The following CLEC10A variants were observed in gnomAD, a reference collection of about 807,000 sequenced individuals.
CLEC10A encodes C-type lectin domain family 10 member A.
In CLEC10A, 38 loss-of-function variants were observed where a neutral mutation model predicts 42.0. The ratio of observed to expected loss-of-function variants is 0.90; its 90% CI spans 0.70 to 1.18. The LOEUF (loss-of-function observed/expected upper bound fraction) is 1.18, where lower values mean the gene tolerates loss of function less well. Among genes scored for constraint, CLEC10A ranks in the 50% most tolerant of loss-of-function variants. CLEC10A has a pLI of 0.00. For synonymous variants in CLEC10A, 126 were observed against 139.9 expected, an observed-to-expected ratio of 0.90 and a Z score of 0.70; for missense variants, 298 against 345.9, an observed-to-expected ratio of 0.86 and a Z score of 1.10.
intron 5 of CLEC10A, 91 bp downstream of exon 5, chr17:7,076,642 G>T: frequency 7.2e-7 from 1 of 1,396,926 alleles, no homozygotes. Context: ...GCTGGCTGAA[G>T]GGGAGGGCAG....
chr17:7,075,035 T>C lies in CLEC10A; in HGVS notation c.*19A>G. 1.3e-6 allele frequency: 2 copies of C among 1,527,006 alleles called. No individual in the cohort carries two copies. The highest frequency in any genetic ancestry group is 1.8e-6 in the Non-Finnish European group (2 of 1,141,980). 94.6% of individuals were successfully genotyped at this position (1,527,006 alleles called of 1,614,324 possible). On this transcript the variant is annotated 3_prime_UTR_variant, in exon 9 of 9. Coordinates refer to ENST00000416562, the MANE Select transcript of CLEC10A (RefSeq NM_001330070.2). ...TCCCACCGCCATTTCTGTGGCCGGG[T>C]GGTCCCACCAAAGGCAGCTCAGTGA...
At chr17:7,076,307 CTTTT>C (rs1206807036) in intron 5 of CLEC10A, among the ~76,000 whole-genome samples, 11 of 121,128 alleles carry the variant, frequency 9.1e-5, no homozygotes, top group South Asian at 5.3e-4. Context: ...TTCTTTCTTT[CTTTT>C]TTTTTTTTTT....
chr17:7,076,356 G>A (rs1911747064), intron 5 of CLEC10A, among the ~76,000 whole-genome samples: 1 of 145,738 alleles, frequency 6.9e-6, no homozygotes, highest in East Asian at 2.0e-4. Context: ...TGCTGCCCAG[G>A]CTGGAGTGCA....
Position 7,075,982 on chromosome 17 carries a change from C to A in CLEC10A, c.439+3G>T. 6.2e-7 allele frequency: 1 copy of A among 1,614,206 alleles called. No individual in the cohort carries two copies. Among genetic ancestry groups the A allele is most frequent in the Non-Finnish European group, 8.5e-7 (1 of 1,180,018 alleles). On this transcript the variant is annotated splice_donor_region_variant and intron_variant, in intron 6 of 8. Transcript: ENST00000416562. ...GGCCAGGTACTCCCCATACCTTCCT[C>A]ACCATTGTTGTTGAGAGTAGCCACC...
chr17:7,077,388 CCCCCACTATT>C (rs1911847755), intron 3 of CLEC10A, among the ~76,000 whole-genome samples: 5 of 142,862 alleles, frequency 3.5e-5, no homozygotes, highest in African/African-American at 1.3e-4. Context: ...CCATCAGTGC[CCCCCACTATT>C]CCCATCAGTC....
chr17:7,076,633 C>G (rs1911769686), intron 5 of CLEC10A, 100 bp downstream of exon 5: 1 of 1,348,304 alleles, frequency 7.4e-7, no homozygotes, highest in South Asian at 1.2e-5. Flanking sequence ...TTTCAAGCTG[C>G]TGGCTGAAGG....
chr17:7,080,058 G>A lies in CLEC10A; in HGVS notation c.-80C>T. 6.6e-6 allele frequency: 1 copy of A among 152,282 alleles called. No individual in the cohort carries two copies. The highest frequency in any genetic ancestry group is 1.9e-4 in the East Asian group (1 of 5,196). 9.4% of individuals were successfully genotyped at this position (152,282 alleles called of 1,614,324 possible). A position where few individuals can be genotyped will look rare whatever the true frequency, so the allele number is the denominator to read the frequency against. On this transcript the variant is annotated 5_prime_UTR_variant, in exon 1 of 9. Transcript: ENST00000416562. The stretch of plus-strand genomic sequence containing the variant: ...GCACCGGCAGCACCATTACCTGTGG[G>A]AGGTCTGGAGGGTGTGATTCCCACG...
At chr17:7,078,553 A>T in intron 2 of CLEC10A, 193 bp downstream of exon 2, 1 of 610,324 alleles carries the variant, frequency 1.6e-6, no homozygotes, top group Non-Finnish European at 2.9e-6. Flanking sequence ...AGCTGGGTCC[A>T]CTGTGATCCT....
Position 7,076,948 on chromosome 17 carries a change from T to C in CLEC10A, c.224A>G (p.Asp75Gly). 6.2e-7 allele frequency: 1 copy of C among 1,613,828 alleles called. No individual in the cohort carries two copies. Among genetic ancestry groups the C allele is most frequent in the Non-Finnish European group, 8.5e-7 (1 of 1,179,952 alleles). The stretch of plus-strand genomic sequence containing the variant: ...AGTGTTTGAGGTGAAGTTGCTAAAA[T>C]CTGTTCTCAGGGTCACCAGGTCCCT... ...FQRDLVTLRT[D>G]FSNFTSNTVA... The change falls in exon 4 of 9, where the codon GAT becomes GGT. Residue 75 changes from aspartate to glycine, a missense_variant. Asp to Gly is a moderately conservative substitution (Grantham distance 94). Around this residue, in one of 3 missense-constraint regions of CLEC10A, gnomAD observed 267 missense variants for 289.5 expected, o/e 0.92. Coordinates refer to ENST00000416562, the MANE Select transcript of CLEC10A (RefSeq NM_001330070.2).
At chr17:7,075,698 A>C (rs368232903) in intron 7 of CLEC10A, 33 bp downstream of exon 7, 1 of 1,613,984 alleles carries the variant, frequency 6.2e-7, no homozygotes, top group African/African-American at 1.3e-5. Flanking sequence ...TAAATGGGAC[A>C]TGTCTTAGGA....
At chr17:7,076,192 C>T (rs780063724) in intron 5 of CLEC10A, 121 bp from the exon 6 acceptor site, 2 of 1,586,444 alleles carry the variant, frequency 1.3e-6, no homozygotes, top group South Asian at 2.3e-5. Context: ...TTCCCGCCCC[C>T]ACCCACCCCC....
At position 7,077,276 on chromosome 17, in the gene CLEC10A, A is replaced by C. The variant is rs111537391; in HGVS notation, c.185-289T>G. On this transcript the variant is annotated intron_variant, in intron 3 of 8. Coordinates refer to ENST00000416562, the MANE Select transcript of CLEC10A (RefSeq NM_001330070.2). Reference sequence around the variant, plus strand: ...CACCGTCCCCATCAATCACTCCATCAGTGCCCCCCCACCATTCCCATCAAT... The same window carrying C: ...CACCGTCCCCATCAATCACTCCATCCGTGCCCCCCCACCATTCCCATCAAT... 9.7e-3 allele frequency among the ~76,000 whole-genome samples: 1,298 copies of C among 134,222 alleles called. 29 individuals carry two copies. The highest frequency in any genetic ancestry group is 0.035 in the African/African-American group (1,231 of 34,724). The allele number at this position is 134,222 out of a possible 152,430, so 88.1% of individuals were successfully genotyped here.
chr17:7,078,904 G>A lies in CLEC10A; in HGVS notation c.-73-19C>T. ...GGTGGAGCTGGGGAATAGGAGGTTG[G>A]GACTAAGTTGGAGCCAAGGGCAGGG... On this transcript the variant is annotated intron_variant, in intron 1 of 8. Coordinates refer to ENST00000416562, the MANE Select transcript of CLEC10A (RefSeq NM_001330070.2). The A allele has an allele frequency of 8.4e-7, 1 of 1,186,186 alleles. No individual in the cohort carries two copies. Among genetic ancestry groups the A allele is most frequent in the Non-Finnish European group, 1.3e-6 (1 of 790,962 alleles). The allele number at this position is 1,186,186 out of a possible 1,614,324, so 73.5% of individuals were successfully genotyped here.
intron 5 of CLEC10A, 40 bp from the exon 6 acceptor site, chr17:7,076,111 G>C (rs1567744351): frequency 1.2e-6 from 2 of 1,614,118 alleles, no homozygotes; most frequent in East Asian, 2.2e-5. Context: ...CAGTGGCCTA[G>C]GTGTGCCTTC....
chr17:7,078,464 G>C (rs1379713950), intron 2 of CLEC10A: 1 of 526,278 alleles, frequency 1.9e-6, no homozygotes, highest in African/African-American at 1.9e-5. Context: ...GTTCACAAAT[G>C]AGTTTCCTTC....
intron 2 of CLEC10A, 65 bp downstream of exon 2, chr17:7,078,681 G>T (rs1283985753): frequency 1.3e-6 from 2 of 1,505,956 alleles, no homozygotes; most frequent in Non-Finnish European, 1.8e-6. Context: ...GTACAGAAAT[G>T]ATAGGAGAAA....
chr17:7,078,208 G>T, intron 2 of CLEC10A, 95 bp from the exon 3 acceptor site: 1 of 888,060 alleles, frequency 1.1e-6, no homozygotes, highest in Non-Finnish European at 1.8e-6. Flanking sequence ...GGAGGGCTGG[G>T]CACAGGGGAC....
At chr17:7,077,560 G>A (rs1275454441) in intron 3 of CLEC10A, among the ~76,000 whole-genome samples, 1 of 67,516 alleles carries the variant, frequency 1.5e-5, no homozygotes, top group Admixed American at 2.2e-4. Context: ...CACTCCATCA[G>A]TGCCCCCCCA....
intron 3 of CLEC10A, among the ~76,000 whole-genome samples, chr17:7,077,440 C>T (rs1370342340): frequency 3.1e-5 from 4 of 131,002 alleles, no homozygotes; most frequent in Admixed American, 8.0e-5. Context: ...CCATTCCCAT[C>T]GATCACTGCA....
Sources: allele counts gnomAD v4.1 joint callset (sites outside exome capture counted in the v4.1 genomes callset), GRCh38; gene constraint gnomAD v4.1.1; regional missense constraint gnomAD v4.1.1; transcripts MANE v1.5; gene names NCBI Gene and HGNC (gene_info 2026-07-23, HGNC 2026-07-21).